The following DEAF1 variants were observed in gnomAD, a reference collection of about 807,000 sequenced individuals.
DEAF1 encodes DEAF1 transcription factor.
In DEAF1, 53 loss-of-function variants were observed where a neutral mutation model predicts 58.9. The ratio of observed to expected loss-of-function variants is 0.90; its 90% confidence interval spans 0.72 to 1.13. The LOEUF is 1.13. DEAF1 is among the 50% of genes most tolerant of loss of function. DEAF1 has a pLI of 0.00. For missense variants in DEAF1, 685 were observed against 791.4 expected, an observed-to-expected ratio of 0.87 and a Z score of 1.61; for synonymous variants, 385 against 340.4, an observed-to-expected ratio of 1.13 and a Z score of -1.44.
intron 10 of DEAF1, among the ~76,000 whole-genome samples, chr11:665,455 C>G (rs562146839): frequency 7.2e-5 from 11 of 152,330 alleles, no homozygotes; most frequent in African/African-American, 2.6e-4. Context: ...CTTCTAACTC[C>G]TGACATTTTC....
In DEAF1 at chr11:686,885, C is replaced by A. The variant is rs747412708; in HGVS notation, c.777G>T (p.Ala259=). ...SKDWKRSIRY[A]GRPLQCLIQD... is the part of the protein sequence containing the mutation. ...GGATGAGGCACTGCAAGGGTCGGCC[C>A]GCGTAGCGAATGCTTCTTTTCCAGT... is the stretch of plus-strand genomic sequence containing the variant. Residue 259 remains alanine, a synonymous_variant, in exon 5 of 12, where the codon GCG becomes GCT. Coordinates refer to ENST00000382409, the MANE Select transcript of DEAF1 (RefSeq NM_021008.4). 6.2e-7 allele frequency: 1 copy of A among 1,614,212 alleles called. No homozygotes were observed. The highest frequency in any genetic ancestry group is 1.1e-5 in the South Asian group (1 of 91,084).
intron 10 of DEAF1, among the ~76,000 whole-genome samples, chr11:660,626 CAA>C (rs2133316452): frequency 6.6e-6 from 1 of 152,348 alleles, no homozygotes; most frequent in East Asian, 1.9e-4. Flanking sequence ...CCGAGTATCC[CAA>C]AGACGCCAGC....
At position 680,916 on chromosome 11, in the gene DEAF1, C is replaced by T. The variant is rs575314327; in HGVS notation, c.997+47G>A. The T allele has an allele frequency of 7.4e-6, 12 of 1,613,214 alleles. 1 individual carries two copies. The South Asian group carries it at 1.2e-4, about 16-fold the overall frequency. ...GGAGTGGTGACGAGAGAAGGCAATG[C>T]ACTCAGGTCCCCTCAGTAAACTAGA... On this transcript the variant is annotated intron_variant, in intron 7 of 11. Coordinates refer to ENST00000382409, the MANE Select transcript of DEAF1 (RefSeq NM_021008.4).
chr11:679,271 T>C (rs1320287922), intron 8 of DEAF1, among the ~76,000 whole-genome samples: 1 of 150,512 alleles, frequency 6.6e-6, no homozygotes, highest in Non-Finnish European at 1.5e-5. Flanking sequence ...GCCGAGATCA[T>C]GCCACTGCCC....
intron 10 of DEAF1, among the ~76,000 whole-genome samples, chr11:659,102 C>G (rs548683309): frequency 5.3e-5 from 8 of 152,036 alleles, no homozygotes; most frequent in African/African-American, 9.6e-5. Context: ...ACTTGAAAAC[C>G]TAGATACTGG....
chr11:646,201 C>G (rs1226013289), intron 11 of DEAF1: 1 of 126,566 alleles, frequency 7.9e-6, no homozygotes, highest in Non-Finnish European at 1.5e-5. Context: ...TGCAGTAAGC[C>G]AAGATTGTGC....
intron 1 of DEAF1, chr11:704,864 G>A (rs11246273): frequency 0.41 from 148,433 of 358,076 alleles, 33,524 homozygotes; most frequent in South Asian, 0.5. Flanking sequence ...TCCAGCGCCT[G>A]TTTCCCACTT....
At chr11:654,573 T>C in intron 10 of DEAF1, 1 of 455,324 alleles carries the variant, frequency 2.2e-6, no homozygotes, top group South Asian at 1.5e-5. Flanking sequence ...CCTACATTCA[T>C]TCACTGGAAG....
chr11:698,929 C>T, upstream of DEAF1: 1 of 1,613,414 alleles, frequency 6.2e-7, no homozygotes, highest in Non-Finnish European at 8.5e-7. Context: ...ACCCAGAGGC[C>T]CGAATTGCTG....
chr11:670,738 AT>A (rs1305217050), intron 10 of DEAF1, among the ~76,000 whole-genome samples: 2 of 128,828 alleles, frequency 1.6e-5, no homozygotes, highest in East Asian at 2.2e-4. Context: ...CTTTTTCTTT[AT>A]TTTTTTCCTT....
chr11:649,246 A>G (rs1858645609), intron 11 of DEAF1, among the ~76,000 whole-genome samples: 2 of 150,828 alleles, frequency 1.3e-5, no homozygotes, highest in Non-Finnish European at 3.0e-5. Context: ...GCGAGACTCC[A>G]TCACACACAC....
In DEAF1 at chr11:644,460, G is replaced by A. The variant is rs1003371972; in HGVS notation, c.*90C>T. 2.6e-5 allele frequency: 25 copies of A among 944,080 alleles called. No individual in the cohort carries two copies. Among genetic ancestry groups the A allele is most frequent in the East Asian group, 1.0e-4 (4 of 39,180 alleles). 58.5% of individuals were successfully genotyped at this position (944,080 alleles called of 1,614,324 possible). On this transcript the variant is annotated 3_prime_UTR_variant, in exon 12 of 12. Coordinates refer to ENST00000382409, the MANE Select transcript of DEAF1 (RefSeq NM_021008.4). The surrounding 1 kb of genome is among the most constrained non-coding windows in gnomAD (Gnocchi z 4.3). ...ACCTTCCCACACCCCTCTTCTCAAC[G>A]TCCCCCCAGAGTCCTCAGGGGGGCC... is the stretch of plus-strand genomic sequence containing the variant.
chr11:688,521 G>T lies in DEAF1; in HGVS notation c.388-61C>A. ...AGAGTGACACCAGGCGTGTCACTGA[G>T]CCCAGCTGGGCCGTCCTCCAGCAGG... On this transcript the variant is annotated intron_variant, in intron 2 of 11. Coordinates refer to ENST00000382409, the MANE Select transcript of DEAF1 (RefSeq NM_021008.4). The surrounding 1 kb of genome is among the most constrained non-coding windows in gnomAD (Gnocchi z 4.3). 6.2e-7 allele frequency: 1 copy of T among 1,606,576 alleles called. No individual in the cohort carries two copies.
intron 2 of DEAF1, among the ~76,000 whole-genome samples, chr11:691,187 G>A (rs950963434): frequency 2.0e-5 from 3 of 152,242 alleles, no homozygotes; most frequent in Non-Finnish European, 2.9e-5. Flanking sequence ...AGGCAGGGCC[G>A]GGCCTCGGGC....
chr11:698,735 A>T, upstream of DEAF1: 1 of 1,028,514 alleles, frequency 9.7e-7, no homozygotes, highest in Non-Finnish European at 1.5e-6. Context: ...GGCCCACGGT[A>T]TATGTTTGCT....
intron 10 of DEAF1, among the ~76,000 whole-genome samples, chr11:667,396 G>C (rs1859594952): frequency 7.0e-6 from 1 of 142,246 alleles, no homozygotes; most frequent in Non-Finnish European, 1.5e-5. Flanking sequence ...AGGAGAGAGG[G>C]AGGGAGGGAG....
chr11:677,172 C>T (rs1860120937), intron 9 of DEAF1, among the ~76,000 whole-genome samples: 1 of 151,354 alleles, frequency 6.6e-6, no homozygotes, highest in Admixed American at 6.6e-5. Context: ...CCTTATGTTG[C>T]CCAGGCCGGT....
At chr11:700,688 A>T (rs1241892713) in intron 1 of DEAF1, 1 of 1,613,980 alleles carries the variant, frequency 6.2e-7, no homozygotes, top group African/African-American at 1.3e-5. Flanking sequence ...GGATTCTAGA[A>T]GCAGTTCGGT....
In DEAF1 at chr11:684,923, G is replaced by A. The variant is rs1286160682; in HGVS notation, c.845C>T (p.Ala282Val). 1.9e-6 allele frequency: 3 copies of A among 1,551,468 alleles called. No individual in the cohort carries two copies. Among genetic ancestry groups the A allele is most frequent in the Non-Finnish European group, 2.6e-6 (3 of 1,146,994 alleles). The change falls in exon 6 of 12, where the codon GCT becomes GTT. Residue 282 changes from alanine (A) to valine (V), a missense_variant. Ala to Val is a moderately conservative substitution (Grantham distance 64). Around this residue, in one of 3 missense-constraint regions of DEAF1, gnomAD observed 132 missense variants for 234.3 expected, o/e 0.56. Transcript: ENST00000382409. The part of the protein sequence containing the change: ...LNPHAASCTC[A>V]ACCDDMTLSG... ...TAAGGTCATGTCGTCGCAGCAGGCA[G>A]CACAGGTGCAAGAGGCAGCGTGAGG...
Sources: allele counts gnomAD v4.1 joint callset (sites outside exome capture counted in the v4.1 genomes callset), GRCh38; gene constraint gnomAD v4.1.1; regional missense constraint gnomAD v4.1.1; non-coding constraint Gnocchi (gnomAD v3.1); transcripts MANE v1.5; gene names NCBI Gene and HGNC (gene_info 2026-07-23, HGNC 2026-07-21).